Variants in SH3KBP1 observed in about 807,000 individuals in gnomAD.
SH3KBP1 encodes SH3 domain-containing kinase-binding protein 1.
A neutral mutation model predicts 50.1 loss-of-function variants in SH3KBP1; 8 were observed. That is an observed-to-expected ratio of 0.16 (90% confidence interval 0.09 to 0.29). The LOEUF (loss-of-function observed/expected upper bound fraction) is 0.29, where lower values mean the gene tolerates loss of function less well. Among genes scored for constraint, SH3KBP1 ranks in the 10% least tolerant of loss-of-function variants. SH3KBP1 has a pLI of 1.00. For synonymous variants in SH3KBP1, 227 were observed against 218.6 expected (o/e 1.04, Z -0.34); for missense variants, 377 against 535.2 (o/e 0.70, Z 2.92).
chrX:19,543,499 G>T (rs1225837979), intron 15 of SH3KBP1, among the ~76,000 whole-genome samples: 3 of 111,293 alleles, frequency 2.7e-5, no homozygotes, highest in Admixed American at 9.5e-5. Flanking sequence ...TCCACTTGGT[G>T]GAGCCAGGGA....
At chrX:19,875,219 G>A (rs927338742) in intron 1 of SH3KBP1, among the ~76,000 whole-genome samples, 1 of 111,757 alleles carries the variant, frequency 8.9e-6, no homozygotes, top group East Asian at 2.8e-4. Flanking sequence ...CAGAGGCACA[G>A]ACACACTTTT....
At chrX:19,753,319 C>G (rs1185196781) in intron 2 of SH3KBP1, among the ~76,000 whole-genome samples, 1 of 111,975 alleles carries the variant, frequency 8.9e-6, no homozygotes, top group Non-Finnish European at 1.9e-5. Flanking sequence ...ACAGCTGTGC[C>G]CCCTGCACTA....
Position 19,735,123 on chromosome X carries a change from C to T in SH3KBP1, c.286+11195G>A, listed in dbSNP as rs768136657. 4.5e-5 allele frequency among the ~76,000 whole-genome samples: 5 copies of T among 112,031 alleles called. No homozygotes were observed. The East Asian group carries it at 1.1e-3, about 25-fold the overall frequency. ...TTGTTCATACTATTCCCTTACAATC[C>T]TTTTAATTTCTCTTAAGATTGGTAG... is the stretch of plus-strand genomic sequence containing the variant. On this transcript the variant is annotated intron_variant, in intron 3 of 17. Coordinates refer to ENST00000397821, the MANE Select transcript of SH3KBP1 (RefSeq NM_031892.3).
At chrX:19,768,668 G>C (rs1462295806) in intron 2 of SH3KBP1, among the ~76,000 whole-genome samples, 5 of 108,025 alleles carry the variant, frequency 4.6e-5, no homozygotes, top group Non-Finnish European at 9.6e-5. Flanking sequence ...AGGAAATGCT[G>C]AGTTTTCAAC....
rs1358632718 is a variant in SH3KBP1 at position 19,692,692 on chromosome X, T to A, written c.520+2920A>T. On this transcript the variant is annotated intron_variant, in intron 5 of 17. Coordinates refer to ENST00000397821, the MANE Select transcript of SH3KBP1 (RefSeq NM_031892.3). ...GTGTATGTATATATATATATATATTTTTTTTTTTTTTTAATAGTCTCTTTC... is the reference window on the plus strand; with the variant it reads ...GTGTATGTATATATATATATATATTATTTTTTTTTTTTAATAGTCTCTTTC... Among the ~76,000 whole-genome samples the A allele has an allele frequency of 7.9e-3, 779 of 98,378 alleles. 12 individuals carry two copies. Among genetic ancestry groups the A allele is most frequent in the African/African-American group, 0.017 (454 of 26,226 alleles). The allele number at this position is 98,378 out of a possible 115,157, so 85.4% of individuals were successfully genotyped here. A position where few individuals can be genotyped will look rare whatever the true frequency, so the allele number is the denominator to read the frequency against.
At chrX:19,623,042 CAA>C (rs773914815) in intron 8 of SH3KBP1, among the ~76,000 whole-genome samples, 591 of 22,160 alleles carry the variant, frequency 0.027, 4 homozygotes, top group African/African-American at 0.08. Flanking sequence ...CACTCTGACT[CAA>C]AAAAAAAAAA....
chrX:19,535,177 C>A lies in SH3KBP1; in HGVS notation c.*1240G>T. On this transcript the variant is annotated 3_prime_UTR_variant, in exon 18 of 18. Transcript: ENST00000397821. ...CTAAGGCTGAACTGTTCATGTACTA[C>A]AAAGATAAAGCGGACAGGCAAACAT... 5.2e-5 allele frequency: 13 copies of A among 249,893 alleles called. No homozygotes were observed. Among genetic ancestry groups the A allele is most frequent in the Middle Eastern group, 1.1e-3 (1 of 879 alleles). The allele number at this position is 249,893 out of a possible 1,213,427, so 20.6% of individuals were successfully genotyped here.
At position 19,600,079 on chromosome X, in the gene SH3KBP1, G is replaced by T. The variant is rs780715979; in HGVS notation, c.1006-5079C>A. Among the ~76,000 whole-genome samples the T allele has an allele frequency of 8.2e-5, 8 of 97,838 alleles. No individual in the cohort carries two copies. The South Asian group carries it at 4.2e-3, about 51-fold the overall frequency. The allele number at this position is 97,838 out of a possible 115,157, so 85.0% of individuals were successfully genotyped here. A position where few individuals can be genotyped will look rare whatever the true frequency, so the allele number is the denominator to read the frequency against. ...GAACCCGGGAGGCGGAGCTTGCAGT[G>T]GGCGAGACTCCGTCTCAAAAAAAAA... On this transcript the variant is annotated intron_variant, in intron 9 of 17. Coordinates refer to ENST00000397821, the MANE Select transcript of SH3KBP1 (RefSeq NM_031892.3).
intron 3 of SH3KBP1, among the ~76,000 whole-genome samples, chrX:19,727,645 T>C (rs2064255921): frequency 8.9e-6 from 1 of 112,718 alleles, no homozygotes; most frequent in African/African-American, 3.2e-5. Context: ...TCCCTTTCTA[T>C]GTGTCTCTGT....
intron 2 of SH3KBP1, among the ~76,000 whole-genome samples, chrX:19,767,244 C>A (rs1322843179): frequency 8.9e-6 from 1 of 111,818 alleles, no homozygotes; most frequent in African/African-American, 3.3e-5. Flanking sequence ...GGACAAGACA[C>A]CAACTTGATC....
chrX:19,648,091 C>A (rs1263529286), intron 6 of SH3KBP1: 1 of 372,754 alleles, frequency 2.7e-6, no homozygotes, highest in Non-Finnish European at 5.2e-6. Flanking sequence ...CCAAACACAT[C>A]TGCCTTCTCT....
At chrX:19,727,310 T>A (rs2064246124) in intron 3 of SH3KBP1, among the ~76,000 whole-genome samples, 1 of 111,988 alleles carries the variant, frequency 8.9e-6, no homozygotes, top group Admixed American at 9.4e-5. Flanking sequence ...TATGAAACAA[T>A]AACTGCCCAT....
At chrX:19,625,069 C>T (rs375411587) in intron 8 of SH3KBP1, among the ~76,000 whole-genome samples, 1 of 112,012 alleles carries the variant, frequency 8.9e-6, no homozygotes, top group Non-Finnish European at 1.9e-5. Flanking sequence ...GGCCAGCAAT[C>T]GATTTAGCTG....
intron 9 of SH3KBP1, among the ~76,000 whole-genome samples, chrX:19,601,161 G>A (rs2067078148): frequency 8.9e-6 from 1 of 111,929 alleles, no homozygotes; most frequent in African/African-American, 3.2e-5. Context: ...GTGCGGGGTT[G>A]TTGGCTGGCA....
At chrX:19,778,047 G>A (rs962881178) in intron 2 of SH3KBP1, among the ~76,000 whole-genome samples, 2 of 110,935 alleles carry the variant, frequency 1.8e-5, no homozygotes, top group African/African-American at 3.3e-5. Context: ...ACTCCTCCAG[G>A]AAGAAAAAAA....
intron 3 of SH3KBP1, among the ~76,000 whole-genome samples, chrX:19,708,943 A>G (rs1036040950): frequency 8.9e-6 from 1 of 111,979 alleles, no homozygotes; most frequent in African/African-American, 3.3e-5. Flanking sequence ...CTGAAGCCAT[A>G]AAACTTACAG....
intron 13 of SH3KBP1, among the ~76,000 whole-genome samples, chrX:19,558,005 T>C (rs1277632877): frequency 4.5e-5 from 5 of 112,329 alleles, no homozygotes; most frequent in Admixed American, 9.4e-5. Flanking sequence ...CTTGGATTGA[T>C]GACAAGCAAT....
intron 8 of SH3KBP1, among the ~76,000 whole-genome samples, chrX:19,609,507 A>T (rs1475428946): frequency 8.9e-6 from 1 of 111,812 alleles, no homozygotes; most frequent in Non-Finnish European, 1.9e-5. Context: ...AAAAACAAAC[A>T]AACAAAAAAA....
intron 3 of SH3KBP1, among the ~76,000 whole-genome samples, chrX:19,725,876 T>C (rs1259119933): frequency 2.7e-5 from 3 of 112,300 alleles, no homozygotes; most frequent in African/African-American, 9.7e-5. Flanking sequence ...TACAACTTCC[T>C]GTTACACAAG....
Sources: gnomAD v4.1 joint callset for allele counts (sites outside exome capture counted in the v4.1 genomes callset) on GRCh38, gnomAD v4.1.1 for gene constraint, MANE v1.5 for transcripts, NCBI Gene and HGNC (gene_info 2026-07-23, HGNC 2026-07-21) for gene names.